BANP: variants seen among roughly 807,000 people sequenced by gnomAD.
The protein encoded by BANP is protein BANP.
A neutral mutation model predicts 68.1 loss-of-function variants in BANP; 11 were observed. The ratio of observed to expected loss-of-function variants is 0.16; its 90% CI spans 0.10 to 0.27. The LOEUF (loss-of-function observed/expected upper bound fraction) is 0.27, where lower values mean the gene tolerates loss of function less well. Ranked by LOEUF, BANP falls within the 10% of genes least tolerant of loss-of-function variation. BANP has a pLI of 1.00. For synonymous variants in BANP, 329 were observed against 303.2 expected (o/e 1.09, Z -0.88); for missense variants, 504 against 722.7 (o/e 0.70, Z 3.47).
chr16:87,970,422 C>A (rs2060900542), intron 1 of BANP, among the ~76,000 whole-genome samples: 1 of 152,148 alleles, frequency 6.6e-6, no homozygotes, highest in Non-Finnish European at 1.5e-5. Flanking sequence ...ATTCTTAATT[C>A]ATCAGGGATT....
chr16:87,953,778 C>G (rs894971939), intron 1 of BANP, among the ~76,000 whole-genome samples: 1 of 152,162 alleles, frequency 6.6e-6, no homozygotes, highest in Non-Finnish European at 1.5e-5. Context: ...CTCCTTCAGC[C>G]CCTGTCCTTC....
At chr16:88,047,833 C>T (rs2082356938) in intron 11 of BANP, among the ~76,000 whole-genome samples, 9 of 152,246 alleles carry the variant, frequency 5.9e-5, no homozygotes. Context: ...CAGTAATGCA[C>T]CCAAATGTTG....
At chr16:87,976,023 G>C (rs1213467771) in intron 2 of BANP, among the ~76,000 whole-genome samples, 3 of 152,228 alleles carry the variant, frequency 2.0e-5, no homozygotes, top group African/African-American at 7.2e-5. Context: ...TGTTGTGTGT[G>C]TAAGTCTGCT....
At chr16:87,963,081 T>C (rs1459813440) in intron 1 of BANP, among the ~76,000 whole-genome samples, 2 of 152,196 alleles carry the variant, frequency 1.3e-5, no homozygotes, top group Non-Finnish European at 2.9e-5. Context: ...AAGTGGGAGT[T>C]CCTGTCCTAA....
chr16:87,964,434 G>A (rs962108162), intron 1 of BANP, among the ~76,000 whole-genome samples: 4 of 122,840 alleles, frequency 3.3e-5, no homozygotes, highest in South Asian at 2.3e-4. Flanking sequence ...TTGCCGAGGC[G>A]TCCAGGAGGC....
At chr16:88,005,422 G>A (rs2070712419) in intron 5 of BANP, among the ~76,000 whole-genome samples, 1 of 152,228 alleles carries the variant, frequency 6.6e-6, no homozygotes, top group Non-Finnish European at 1.5e-5. Flanking sequence ...GTGCGTAGCA[G>A]TCCACGGTAG....
intron 11 of BANP, among the ~76,000 whole-genome samples, chr16:88,041,241 G>A (rs1427158192): frequency 6.6e-6 from 1 of 152,372 alleles, no homozygotes; most frequent in African/African-American, 2.4e-5. Context: ...GTTCCACGGA[G>A]GGAGGGTTGT....
chr16:87,990,698 C>T (rs1292957193), intron 4 of BANP, among the ~76,000 whole-genome samples: 2 of 152,294 alleles, frequency 1.3e-5, no homozygotes, highest in African/African-American at 2.4e-5. Context: ...CGTTTAATTT[C>T]GTGTACATGT....
chr16:88,070,066 T>C (rs537067079), intron 12 of BANP, among the ~76,000 whole-genome samples: 8 of 152,220 alleles, frequency 5.3e-5, no homozygotes, highest in Admixed American at 2.0e-4. Context: ...AGCAGCCATA[T>C]TTCCTCTCGC....
At chr16:88,035,828 A>G (rs760930604) in intron 10 of BANP, among the ~76,000 whole-genome samples, 1 of 152,174 alleles carries the variant, frequency 6.6e-6, no homozygotes, top group Non-Finnish European at 1.5e-5. Flanking sequence ...ATTAGTGCCG[A>G]TTTCATGGGA....
At chr16:88,044,610 G>C (rs1387438478) in intron 11 of BANP, among the ~76,000 whole-genome samples, 1 of 152,200 alleles carries the variant, frequency 6.6e-6, no homozygotes, top group Non-Finnish European at 1.5e-5. Flanking sequence ...AGAGTTTGTA[G>C]TTCTAAAAGT....
chr16:87,999,183 C>T lies in BANP; in HGVS notation c.363-5112C>T, dbSNP rs528954145. Among the ~76,000 whole-genome samples the T allele has an allele frequency of 5.9e-3, 814 of 137,310 alleles. 10 individuals are homozygous for T. Among genetic ancestry groups the T allele is most frequent in the African/African-American group, 0.021 (758 of 35,562 alleles). The allele number at this position is 137,310 out of a possible 152,430, so 90.1% of individuals were successfully genotyped here. A position where few individuals can be genotyped will look rare whatever the true frequency, so the allele number is the denominator to read the frequency against. ...GTCCTTCCAGACACATCTCCATGCCCGCACGTGCGCGGCTGTACTTACCAG... is the reference window on the plus strand; with the variant it reads ...GTCCTTCCAGACACATCTCCATGCCTGCACGTGCGCGGCTGTACTTACCAG... On this transcript the variant is annotated intron_variant, in intron 4 of 13. Coordinates refer to ENST00000682872, the MANE Select transcript of BANP (RefSeq NM_001386991.1).
At chr16:88,034,445 C>G (rs924344485) in intron 9 of BANP, among the ~76,000 whole-genome samples, 2 of 150,610 alleles carry the variant, frequency 1.3e-5, no homozygotes, top group African/African-American at 2.5e-5. Flanking sequence ...ATTTGTCTGC[C>G]CATATGTATA....
At chr16:87,984,602 G>A (rs368608100) in intron 4 of BANP, among the ~76,000 whole-genome samples, 43 of 152,062 alleles carry the variant, frequency 2.8e-4, no homozygotes, top group African/African-American at 8.9e-4. Flanking sequence ...GTTTTTCTTC[G>A]TATGTGGTGT....
intron 4 of BANP, among the ~76,000 whole-genome samples, chr16:88,001,891 C>G (rs903915152): frequency 5.4e-5 from 8 of 148,154 alleles, no homozygotes; most frequent in African/African-American, 2.0e-4. Flanking sequence ...ATTTATGTTC[C>G]TAACCATAAG....
chr16:87,951,921 G>C (rs758386641), intron 1 of BANP, among the ~76,000 whole-genome samples: 1 of 152,152 alleles, frequency 6.6e-6, no homozygotes, highest in African/African-American at 2.4e-5. Flanking sequence ...TCTCCCAAGG[G>C]GGTCGCTCCT....
intron 4 of BANP, among the ~76,000 whole-genome samples, chr16:87,984,980 T>G (rs1197894492): frequency 6.6e-6 from 1 of 152,238 alleles, no homozygotes; most frequent in Non-Finnish European, 1.5e-5. Context: ...CTGGCCTGGC[T>G]GTAGCCTTCT....
intron 12 of BANP, among the ~76,000 whole-genome samples, chr16:88,068,233 G>T (rs1200576656): frequency 6.6e-6 from 1 of 152,242 alleles, no homozygotes; most frequent in East Asian, 1.9e-4. Context: ...GGCTTACCGT[G>T]TGCTCCTCTG....
intron 4 of BANP, among the ~76,000 whole-genome samples, chr16:87,991,071 C>T (rs1454342184): frequency 4.6e-5 from 7 of 152,222 alleles, no homozygotes; most frequent in Non-Finnish European, 8.8e-5. Flanking sequence ...CAGCTGCATA[C>T]TTTAAGTGAC....
Sources: allele counts gnomAD v4.1 joint callset (sites outside exome capture counted in the v4.1 genomes callset), GRCh38; gene constraint gnomAD v4.1.1; transcripts MANE v1.5; gene names NCBI Gene and HGNC (gene_info 2026-07-23, HGNC 2026-07-21).